The following TCF12 variants were observed in gnomAD, a reference collection of about 807,000 sequenced individuals.
TCF12 encodes transcription factor 12, also known as DNA-binding protein HTF4.
TCF12 carries 45 observed loss-of-function variants against 86.0 expected under a neutral mutation model. The ratio of observed to expected loss-of-function variants is 0.52; its 90% CI spans 0.41 to 0.67. The LOEUF (loss-of-function observed/expected upper bound fraction) is 0.67. Among genes scored for constraint, TCF12 ranks in the 30% least tolerant of loss-of-function variants. TCF12 has a pLI of 0.00. For synonymous variants in TCF12, 330 were observed against 299.6 expected, an observed-to-expected ratio of 1.10 and a Z score of -1.05; for missense variants, 881 against 859.9, an observed-to-expected ratio of 1.02 and a Z score of -0.31.
rs191944186 is a variant in TCF12, at chr15:57,284,402, G to A, written c.*12-1755G>A. ...TTTTTGTATTTTTAGTAGAGACAGC[G>A]TTTCGCCAGGCTGCCCAGCCTGGTC... On this transcript the variant is annotated intron_variant, in intron 20 of 20. Transcript: ENST00000333725. Among the ~76,000 whole-genome samples the A allele has an allele frequency of 8.7e-4, 132 of 152,126 alleles. 1 individual carries two copies. The East Asian group carries it at 0.017, about 20-fold the overall frequency.
intron 16 of TCF12, among the ~76,000 whole-genome samples, chr15:57,255,816 A>G (rs1238728304): frequency 2.6e-5 from 4 of 152,180 alleles, no homozygotes; most frequent in Non-Finnish European, 1.5e-5. Context: ...AAAATCTCAA[A>G]TTAGTCTAGA....
chr15:57,170,770 TTATATATA>T (rs2055403575), intron 6 of TCF12, among the ~76,000 whole-genome samples: 1 of 6,446 alleles, frequency 1.6e-4, no homozygotes. Flanking sequence ...TATATATATA[TTATATATA>T]ATATATATAT....
chr15:57,198,714 A>C (rs1293031463), intron 8 of TCF12, among the ~76,000 whole-genome samples: 1 of 151,310 alleles, frequency 6.6e-6, no homozygotes, highest in Non-Finnish European at 1.5e-5. Flanking sequence ...CTTGTAGGGT[A>C]CATCTTTTTG....
chr15:57,254,268 A>G (rs548711326), intron 16 of TCF12, among the ~76,000 whole-genome samples: 1 of 152,290 alleles, frequency 6.6e-6, no homozygotes, highest in South Asian at 2.1e-4. Flanking sequence ...CCTATCATCA[A>G]AATAATTAAT....
At chr15:57,057,222 C>G (rs1241159612) in intron 3 of TCF12, among the ~76,000 whole-genome samples, 1 of 152,154 alleles carries the variant, frequency 6.6e-6, no homozygotes, top group African/African-American at 2.4e-5. Flanking sequence ...AGAGATAAAC[C>G]AAAAATTTGG....
chr15:57,143,217 G>A (rs573140176), intron 5 of TCF12, among the ~76,000 whole-genome samples: 4 of 148,632 alleles, frequency 2.7e-5, no homozygotes, highest in Non-Finnish European at 5.9e-5. Context: ...TGGTCCTTTT[G>A]TTAAAGGACA....
chr15:57,233,041 T>C (rs1318945809), intron 11 of TCF12, among the ~76,000 whole-genome samples, 185 bp downstream of exon 11: 1 of 145,418 alleles, frequency 6.9e-6, no homozygotes, highest in Non-Finnish European at 1.5e-5. Context: ...GTATATATGT[T>C]ATATATGTAT....
intron 3 of TCF12, among the ~76,000 whole-genome samples, chr15:57,003,492 C>T (rs1054608896): frequency 6.6e-6 from 1 of 152,142 alleles, no homozygotes; most frequent in Admixed American, 6.6e-5. Flanking sequence ...GAACACTAGG[C>T]AGCACTTACA....
chr15:57,075,804 T>TTCTTTTTCTCTCTCTCTCTC (rs1461514777), intron 4 of TCF12, among the ~76,000 whole-genome samples: 1 of 28,590 alleles, frequency 3.5e-5, no homozygotes, highest in Non-Finnish European at 6.4e-5. Flanking sequence ...CTTTCTTTCT[T>TTCTTTTTCTCTCTCTCTCTC]TCTCTCTCTC....
At chr15:57,284,141 T>A (rs922711793) in intron 20 of TCF12, among the ~76,000 whole-genome samples, 5 of 152,150 alleles carry the variant, frequency 3.3e-5, no homozygotes, top group Admixed American at 3.3e-4. Flanking sequence ...CAGTAAGTAT[T>A]TTTGCTTCAA....
intron 3 of TCF12, among the ~76,000 whole-genome samples, chr15:57,022,563 A>C (rs1448913862): frequency 1.3e-5 from 2 of 152,154 alleles, no homozygotes; most frequent in African/African-American, 4.8e-5. Context: ...ATGATTTATA[A>C]TCCTTTGGGT....
intron 8 of TCF12, among the ~76,000 whole-genome samples, chr15:57,221,819 G>A (rs1023765858): frequency 1.3e-5 from 2 of 151,976 alleles, no homozygotes; most frequent in Non-Finnish European, 2.9e-5. Flanking sequence ...TTATTATTTT[G>A]TGATGACTTC....
chr15:56,976,897 T>G (rs1181959335), intron 3 of TCF12, among the ~76,000 whole-genome samples: 1 of 152,068 alleles, frequency 6.6e-6, no homozygotes, highest in Non-Finnish European at 1.5e-5. Flanking sequence ...CCACAAAATC[T>G]CAAGGAAAAA....
At chr15:56,972,752 A>G (rs571668215) in intron 3 of TCF12, among the ~76,000 whole-genome samples, 2 of 152,288 alleles carry the variant, frequency 1.3e-5, no homozygotes, top group East Asian at 3.9e-4. Context: ...AATGTTTCTC[A>G]TACTTAAAAA....
At chr15:56,946,387 TA>T (rs1416282650) in intron 3 of TCF12, among the ~76,000 whole-genome samples, 1 of 152,228 alleles carries the variant, frequency 6.6e-6, no homozygotes, top group Non-Finnish European at 1.5e-5. Flanking sequence ...TTCCATCCAA[TA>T]AACTTTTCAT....
chr15:57,015,096 C>G (rs2065075250), intron 3 of TCF12, among the ~76,000 whole-genome samples: 1 of 151,820 alleles, frequency 6.6e-6, no homozygotes, highest in African/African-American at 2.4e-5. Flanking sequence ...CAAGACTAGC[C>G]TGGCCAACAT....
chr15:57,133,633 T>C (rs1215415431), intron 5 of TCF12, among the ~76,000 whole-genome samples: 1 of 151,788 alleles, frequency 6.6e-6, no homozygotes, highest in Non-Finnish European at 1.5e-5. Context: ...TGTTTTTTTT[T>C]TTTTTTCCCA....
intron 3 of TCF12, among the ~76,000 whole-genome samples, chr15:57,047,458 A>G (rs1183094933): frequency 6.6e-6 from 1 of 152,226 alleles, no homozygotes; most frequent in Non-Finnish European, 1.5e-5. Context: ...CTATTCAACA[A>G]TAATAATTTG....
At chr15:57,181,980 T>C (rs1316036773) in intron 6 of TCF12, among the ~76,000 whole-genome samples, 1 of 152,192 alleles carries the variant, frequency 6.6e-6, no homozygotes, top group Non-Finnish European at 1.5e-5. Context: ...TCTAGATGAC[T>C]ATAAAAAAGA....
Sources: gnomAD v4.1 joint callset for allele counts (sites outside exome capture counted in the v4.1 genomes callset) on GRCh38, gnomAD v4.1.1 for gene constraint, MANE v1.5 for transcripts, NCBI Gene and HGNC (gene_info 2026-07-23, HGNC 2026-07-21) for gene names.